Variants in RAP1B observed in about 807,000 individuals in gnomAD.
RAP1B encodes the protein ras-related protein Rap-1b.
Under a neutral mutation model 27.5 loss-of-function variants are expected in RAP1B, and 1 was observed. The ratio of observed to expected loss-of-function variants is 0.04; its 90% CI spans 0.01 to 0.17. RAP1B has a LOEUF of 0.17. RAP1B is among the 10% of genes least tolerant of loss of function. The pLI is 1.00. For missense variants in RAP1B, 84 were observed against 214.8 expected (o/e 0.39, Z 3.81); for synonymous variants, 75 against 73.1 (o/e 1.03, Z -0.13).
In RAP1B at chr12:68,667,481, T is replaced by G. The variant is rs1874904504; in HGVS notation, c.*8232T>G. On this transcript the variant is annotated 3_prime_UTR_variant, in exon 8 of 8. Transcript: ENST00000250559. ...TTAGAGATTAATTCAACCCAGTGGG[T>G]TTTGGGGTTTTTATATGTGTTAGTA... The G allele has an allele frequency of 6.6e-6, 1 of 152,060 alleles. No individual in the cohort carries two copies. Among genetic ancestry groups the G allele is most frequent in the Non-Finnish European group, 1.5e-5 (1 of 68,012 alleles). The allele number at this position is 152,060 out of a possible 1,614,324, so 9.4% of individuals were successfully genotyped here. A position where few individuals can be genotyped will look rare whatever the true frequency, so the allele number is the denominator to read the frequency against.
intron 1 of RAP1B, among the ~76,000 whole-genome samples, chr12:68,645,102 A>G (rs893872874): frequency 3.7e-4 from 56 of 152,366 alleles, no homozygotes; most frequent in African/African-American, 1.3e-3. Context: ...TATTGATCAC[A>G]TATTTCAGGC....
chr12:68,620,386 C>A (rs1871308319), intron 1 of RAP1B, among the ~76,000 whole-genome samples: 1 of 151,608 alleles, frequency 6.6e-6, no homozygotes, highest in South Asian at 2.1e-4. Flanking sequence ...CCATGCCTGG[C>A]TAATTTTTGT....
intron 1 of RAP1B, among the ~76,000 whole-genome samples, chr12:68,611,627 C>T (rs1485773368): frequency 2.0e-5 from 3 of 152,170 alleles, no homozygotes; most frequent in Admixed American, 6.5e-5. Flanking sequence ...AAAAGTTTGC[C>T]TGAAACGGGG....
At chr12:68,635,192 G>A (rs2135939670) in intron 1 of RAP1B, among the ~76,000 whole-genome samples, 1 of 152,248 alleles carries the variant, frequency 6.6e-6, no homozygotes, top group African/African-American at 2.4e-5. Context: ...TTTTAAAAGA[G>A]GGTAGGAGAG....
At position 68,663,452 on chromosome 12, in the gene RAP1B, T is replaced by C. The variant is rs971356392; in HGVS notation, c.*4203T>C. On this transcript the variant is annotated 3_prime_UTR_variant, in exon 8 of 8. Transcript: ENST00000250559. ...AACTTTATATATGTTTCCTTAACTA[T>C]TGGGAGGAAAATGGATGAGTCTGTG... The C allele has an allele frequency of 6.6e-6, 1 of 152,162 alleles. No homozygotes were observed. 9.4% of individuals were successfully genotyped at this position (152,162 alleles called of 1,614,324 possible).
chr12:68,617,002 T>G (rs932999864), intron 1 of RAP1B, among the ~76,000 whole-genome samples: 1 of 152,222 alleles, frequency 6.6e-6, no homozygotes, highest in African/African-American at 2.4e-5. Context: ...TTTGTCTATT[T>G]AGTAGCAATT....
chr12:68,632,156 T>G (rs1285624582), intron 1 of RAP1B, among the ~76,000 whole-genome samples: 2 of 141,718 alleles, frequency 1.4e-5, no homozygotes, highest in East Asian at 2.3e-4. Flanking sequence ...GTTTGTTTTT[T>G]TTTTCCAGAC....
intron 1 of RAP1B, among the ~76,000 whole-genome samples, chr12:68,626,179 A>G (rs1446842140): frequency 5.3e-5 from 8 of 152,176 alleles, no homozygotes; most frequent in Admixed American, 4.6e-4. Context: ...CCACTTAAGC[A>G]TTTATATTGA....
intron 1 of RAP1B, chr12:68,624,574 G>C (rs1185620242): frequency 1.3e-5 from 2 of 152,220 alleles, no homozygotes; most frequent in Non-Finnish European, 2.9e-5. Flanking sequence ...AGAGCACTTT[G>C]GGAGGCCAGG....
intron 5 of RAP1B, among the ~76,000 whole-genome samples, chr12:68,655,535 CT>C (rs35350174): frequency 0.054 from 6,755 of 125,426 alleles, 241 homozygotes; most frequent in African/African-American, 0.17. Flanking sequence ...TTTTGATTGG[CT>C]TTTTTTTTTT....
Position 68,642,483 on chromosome 12 carries a change from C to G in RAP1B, c.-26-6216C>G, listed in dbSNP as rs139527312. The G allele has an allele frequency of 4.7e-5, 40 of 853,984 alleles. No homozygotes were observed. The African/African-American group carries it at 6.2e-4, about 13-fold the overall frequency. The allele number at this position is 853,984 out of a possible 1,614,324, so 52.9% of individuals were successfully genotyped here. A position where few individuals can be genotyped will look rare whatever the true frequency, so the allele number is the denominator to read the frequency against. ...TTTTTAATGTCCAGAATGTGTAATA[C>G]AAGGGCCAGAACTTCCTCCTGGACT... On this transcript the variant is annotated intron_variant, in intron 1 of 7. Coordinates refer to ENST00000250559, the MANE Select transcript of RAP1B (RefSeq NM_001010942.3).
At position 68,671,784 on chromosome 12, in the gene RAP1B, A is replaced by G. The variant is rs1875103742; in HGVS notation, c.*12535A>G. ...ACATTGTCAGTAACAAGTAAATAAC[A>G]TTTTCTGGAATATAAAAAAAAAAGC... On this transcript the variant is annotated 3_prime_UTR_variant, in exon 8 of 8. Coordinates refer to ENST00000250559, the MANE Select transcript of RAP1B (RefSeq NM_001010942.3). 6.6e-6 allele frequency: 1 copy of G among 151,800 alleles called. No individual in the cohort carries two copies. Among genetic ancestry groups the G allele is most frequent in the Non-Finnish European group, 1.5e-5 (1 of 67,954 alleles). The allele number at this position is 151,800 out of a possible 1,614,324, so 9.4% of individuals were successfully genotyped here.
At chr12:68,620,936 A>C (rs183730676) in intron 1 of RAP1B, among the ~76,000 whole-genome samples, 3 of 152,310 alleles carry the variant, frequency 2.0e-5, no homozygotes, top group African/African-American at 7.2e-5. Context: ...TCGAGTAATC[A>C]GTTTCAGATT....
chr12:68,623,001 C>T (rs183109884), intron 1 of RAP1B, among the ~76,000 whole-genome samples: 55 of 152,278 alleles, frequency 3.6e-4, no homozygotes, highest in African/African-American at 1.2e-3. Context: ...CACACCCAGC[C>T]TTAAACTAAT....
chr12:68,632,582 A>G (rs1294390856), intron 1 of RAP1B, among the ~76,000 whole-genome samples: 1 of 152,152 alleles, frequency 6.6e-6, no homozygotes, highest in East Asian at 1.9e-4. Flanking sequence ...CTAAAGTTGA[A>G]AAAGAATGAT....
At chr12:68,638,409 G>A (rs539946033) in intron 1 of RAP1B, among the ~76,000 whole-genome samples, 1 of 152,126 alleles carries the variant, frequency 6.6e-6, no homozygotes, top group Non-Finnish European at 1.5e-5. Context: ...AGGAAAATGT[G>A]GTTGCATCTT....
chr12:68,617,893 A>G (rs1053078084), intron 1 of RAP1B, among the ~76,000 whole-genome samples: 1 of 151,810 alleles, frequency 6.6e-6, no homozygotes, highest in African/African-American at 2.4e-5. Context: ...CTCCCCAAGT[A>G]GCTGGGCCTA....
rs7974454 is a variant in RAP1B at position 68,653,883 on chromosome 12, G to A, written c.184-229G>A. On this transcript the variant is annotated intron_variant, in intron 4 of 7. Transcript: ENST00000250559. ...GAGGCAGAGGTTGCAGTGAGCCGAG[G>A]TCGCGCCACTGCACTCCAGCGTGGT... 0.24 allele frequency among the ~76,000 whole-genome samples: 36,990 copies of A among 151,422 alleles called. 4,734 individuals carry two copies. The highest frequency in any genetic ancestry group is 0.46 in the South Asian group (2,186 of 4,794).
At chr12:68,617,004 G>C (rs1050550730) in intron 1 of RAP1B, among the ~76,000 whole-genome samples, 1 of 152,166 alleles carries the variant, frequency 6.6e-6, no homozygotes, top group Non-Finnish European at 1.5e-5. Flanking sequence ...TGTCTATTTA[G>C]TAGCAATTTT....
Sources: allele counts gnomAD v4.1 joint callset (sites outside exome capture counted in the v4.1 genomes callset), GRCh38; gene constraint gnomAD v4.1.1; transcripts MANE v1.5; gene names NCBI Gene and HGNC (gene_info 2026-07-23, HGNC 2026-07-21).